The following CSMD1 variants were observed in gnomAD, a reference collection of about 807,000 sequenced individuals.
The protein encoded by CSMD1 is CUB and Sushi multiple domains 1, also known as CUB and sushi domain-containing protein 1.
CSMD1 carries 213 observed loss-of-function variants against 417.5 expected under a neutral mutation model. The observed-to-expected ratio is 0.51, with a 90% CI of 0.46 to 0.57. The LOEUF (loss-of-function observed/expected upper bound fraction) is 0.57. CSMD1 is among the 20% of genes least tolerant of loss of function. The pLI is 0.00. For synonymous variants in CSMD1, 2,862 were observed against 1,736.8 expected (o/e 1.65, Z -16.11); for missense variants, 6,923 against 4,529.7 (o/e 1.53, Z -15.17).
rs571336453 is a variant in CSMD1, at chr8:4,886,439, T to C, written c.85+107893A>G. 2.6e-5 allele frequency among the ~76,000 whole-genome samples: 4 copies of C among 152,198 alleles called. No individual in the cohort carries two copies. In the South Asian group the frequency reaches 8.3e-4, roughly 32 times the overall value. On this transcript the variant is annotated intron_variant, in intron 1 of 69. Transcript: ENST00000635120. ...TTGAGGAAATTTGCATCTATATTCA[T>C]AAAAGATATTGGTCTGTGGATTTCT...
intron 5 of CSMD1, among the ~76,000 whole-genome samples, chr8:3,888,065 G>C (rs1037680798): frequency 5.3e-5 from 8 of 152,144 alleles, no homozygotes. Flanking sequence ...ATACTGTACA[G>C]TTATCACTTT....
chr8:4,016,024 T>A lies in CSMD1; in HGVS notation c.610+15881A>T, dbSNP rs79625574. ...CCTTATCAGCCACTGTCTTTCAGCC[T>A]TGGACATGACATCTAAGCTCTCAGA... On this transcript the variant is annotated intron_variant, in intron 4 of 69. Coordinates refer to ENST00000635120, the MANE Select transcript of CSMD1 (RefSeq NM_033225.6). Among the ~76,000 whole-genome samples the A allele has an allele frequency of 4.7e-3, 718 of 152,266 alleles. 8 individuals carry two copies. Among genetic ancestry groups the A allele is most frequent in the African/African-American group, 0.017 (692 of 41,528 alleles).
At chr8:4,958,447 G>C (rs557179340) in intron 1 of CSMD1, among the ~76,000 whole-genome samples, 14 of 152,246 alleles carry the variant, frequency 9.2e-5, no homozygotes, top group Admixed American at 2.6e-4. Flanking sequence ...AAGGTTAAAA[G>C]TATTAACAGA....
At chr8:4,284,881 A>T (rs1796978566) in intron 3 of CSMD1, among the ~76,000 whole-genome samples, 1 of 152,200 alleles carries the variant, frequency 6.6e-6, no homozygotes, top group Admixed American at 6.5e-5. Flanking sequence ...TTTAAAAAAC[A>T]CTTTTCTGTC....
At chr8:3,326,198 G>A (rs570088742) in intron 23 of CSMD1, among the ~76,000 whole-genome samples, 18 of 152,338 alleles carry the variant, frequency 1.2e-4, no homozygotes, top group African/African-American at 4.3e-4. Flanking sequence ...TGATATACAT[G>A]TTGGTCAGTT....
chr8:2,999,423 G>C (rs1268897691), intron 53 of CSMD1, among the ~76,000 whole-genome samples: 1 of 151,904 alleles, frequency 6.6e-6, no homozygotes, highest in African/African-American at 2.4e-5. Context: ...CAAAGTGCTG[G>C]GATTACAGGC....
At chr8:3,948,031 C>G (rs1811354626) in intron 5 of CSMD1, among the ~76,000 whole-genome samples, 1 of 152,118 alleles carries the variant, frequency 6.6e-6, no homozygotes, top group Non-Finnish European at 1.5e-5. Context: ...CATGGTAAAA[C>G]CCCGTCTCTA....
chr8:4,910,637 T>G (rs922288541), intron 1 of CSMD1, among the ~76,000 whole-genome samples: 1 of 152,200 alleles, frequency 6.6e-6, no homozygotes, highest in African/African-American at 2.4e-5. Flanking sequence ...ATTACCATTT[T>G]GGGGATTAGA....
intron 7 of CSMD1, among the ~76,000 whole-genome samples, chr8:3,671,072 G>C (rs942433065): frequency 1.5e-5 from 2 of 135,658 alleles, no homozygotes; most frequent in Non-Finnish European, 3.3e-5. Context: ...ATGTATATGG[G>C]ATATATACAT....
At chr8:4,828,677 G>A (rs1475907180) in intron 1 of CSMD1, among the ~76,000 whole-genome samples, 1 of 152,072 alleles carries the variant, frequency 6.6e-6, no homozygotes, top group African/African-American at 2.4e-5. Context: ...ATTGACCAGA[G>A]CCCAGGTGTG....
chr8:2,938,824 A>C (rs1801668249), intron 69 of CSMD1, 80 bp from the exon 70 acceptor site: 11 of 1,281,482 alleles, frequency 8.6e-6, no homozygotes, highest in South Asian at 1.4e-5. Context: ...GCAGGAGACA[A>C]CGTCTACAGA....
chr8:4,221,024 C>T (rs559792634), intron 3 of CSMD1, among the ~76,000 whole-genome samples: 6 of 152,192 alleles, frequency 3.9e-5, no homozygotes, highest in African/African-American at 1.4e-4. Flanking sequence ...AGGAGGAGGC[C>T]AGTGATTGTC....
chr8:4,958,453 A>G (rs569113092), intron 1 of CSMD1, among the ~76,000 whole-genome samples: 1 of 152,328 alleles, frequency 6.6e-6, no homozygotes, highest in South Asian at 2.1e-4. Flanking sequence ...AAAAGTATTA[A>G]CAGAAAACTG....
intron 54 of CSMD1, among the ~76,000 whole-genome samples, chr8:2,983,636 G>A (rs2128941418): frequency 6.6e-6 from 1 of 152,298 alleles, no homozygotes; most frequent in Admixed American, 6.5e-5. Context: ...GCAAAAAATT[G>A]TAAATCTAAT....
At chr8:4,289,214 T>C (rs1207092691) in intron 3 of CSMD1, among the ~76,000 whole-genome samples, 1 of 152,216 alleles carries the variant, frequency 6.6e-6, no homozygotes, top group Non-Finnish European at 1.5e-5. Flanking sequence ...AGTTTCTAGA[T>C]ACCTGTCGGT....
chr8:4,386,717 G>C (rs750000980), intron 3 of CSMD1, among the ~76,000 whole-genome samples: 29 of 152,296 alleles, frequency 1.9e-4, no homozygotes, highest in Non-Finnish European at 3.2e-4. Flanking sequence ...AGATGGTAAG[G>C]GATAGCTGGC....
chr8:3,796,985 A>C (rs1415781778), intron 5 of CSMD1, among the ~76,000 whole-genome samples: 1 of 151,962 alleles, frequency 6.6e-6, no homozygotes, highest in East Asian at 1.9e-4. Context: ...ACAGCTAAAA[A>C]GTTAATGTAA....
At chr8:4,059,917 G>T (rs1032760571) in intron 3 of CSMD1, among the ~76,000 whole-genome samples, 1 of 151,846 alleles carries the variant, frequency 6.6e-6, no homozygotes, top group Non-Finnish European at 1.5e-5. Context: ...AATAGAAAAA[G>T]AGGGAATCCT....
At chr8:3,489,933 T>C (rs112100355) in intron 11 of CSMD1, among the ~76,000 whole-genome samples, 1 of 152,234 alleles carries the variant, frequency 6.6e-6, no homozygotes, top group Non-Finnish European at 1.5e-5. Flanking sequence ...ATGTGTGTCA[T>C]GTGATCCTCT....
Sources: gnomAD v4.1 joint callset for allele counts (sites outside exome capture counted in the v4.1 genomes callset) on GRCh38, gnomAD v4.1.1 for gene constraint, MANE v1.5 for transcripts, NCBI Gene and HGNC (gene_info 2026-07-23, HGNC 2026-07-21) for gene names.